Variants in AKAP6 observed in about 807,000 individuals in gnomAD.
The protein encoded by AKAP6 is A-kinase anchor protein 6.
Under a neutral mutation model 188.5 loss-of-function variants are expected in AKAP6, and 58 were observed. The observed-to-expected ratio is 0.31, with a 90% CI of 0.25 to 0.38. The LOEUF (loss-of-function observed/expected upper bound fraction) is 0.38, where lower values mean the gene tolerates loss of function less well. AKAP6 is among the 10% of genes least tolerant of loss of function. The probability of loss-of-function intolerance (pLI) is 1.00; values close to 1 mark genes in which losing one functional copy is unlikely to be tolerated. For synonymous variants in AKAP6, 989 were observed against 998.6 expected, an observed-to-expected ratio of 0.99 and a Z score of 0.18; for missense variants, 2,710 against 2,740.0, an observed-to-expected ratio of 0.99 and a Z score of 0.24.
In AKAP6 at chr14:32,831,229, CAAAG is replaced by C. The variant is rs567954532; in HGVS notation, c.*1428_*1431del. 11 of 152,156 alleles carry C rather than the reference CAAAG, an allele frequency of 7.2e-5. No homozygotes were observed. In the South Asian group the frequency reaches 2.1e-3, roughly 29 times the overall value. The allele number at this position is 152,156 out of a possible 1,614,324, so 9.4% of individuals were successfully genotyped here. ...TATTTATATGTGTAAAAGAAATTGA[CAAAG>C]AAATATTTCATCTGGCCTTTACTGA... On this transcript the variant is annotated 3_prime_UTR_variant, in exon 14 of 14. Transcript: ENST00000280979.
chr14:32,632,736 C>A (rs1357661168), intron 7 of AKAP6, among the ~76,000 whole-genome samples: 5 of 151,976 alleles, frequency 3.3e-5, no homozygotes, highest in Admixed American at 3.3e-4. Context: ...ACAGGAAAAA[C>A]CAATCAGAGA....
Position 32,822,046 on chromosome 14 carries a change from A to C in AKAP6, c.4233A>C (p.Gln1411His), listed in dbSNP as rs1228947809. 1 of 1,613,992 alleles carries C rather than the reference A, an allele frequency of 6.2e-7. No homozygotes were observed. Among genetic ancestry groups the C allele is most frequent in the Non-Finnish European group, 8.5e-7 (1 of 1,179,954 alleles). ...QMGDAVNVLKQKFTDEGESIK... is the reference protein window; with the variant it reads ...QMGDAVNVLKHKFTDEGESIK... The stretch of plus-strand genomic sequence containing the variant: ...GAGATGCAGTTAACGTGTTAAAGCA[A>C]AAATTTACAGATGAGGGGGAAAGCA... The change falls in exon 13 of 14, where the codon CAA becomes CAC. Residue 1411 changes from glutamine to histidine, a missense_variant. Coordinates refer to ENST00000280979, the MANE Select transcript of AKAP6 (RefSeq NM_004274.5).
intron 9 of AKAP6, among the ~76,000 whole-genome samples, chr14:32,707,852 A>G (rs1890877396): frequency 6.6e-6 from 1 of 152,096 alleles, no homozygotes; most frequent in Non-Finnish European, 1.5e-5. Context: ...AGTGCAGTAA[A>G]GACAGTTCCT....
intron 9 of AKAP6, among the ~76,000 whole-genome samples, chr14:32,712,186 C>G (rs10142378): frequency 1.3e-5 from 2 of 151,848 alleles, no homozygotes; most frequent in African/African-American, 4.8e-5. Context: ...ATAAAAGTTG[C>G]GTTTACACTA....
intron 1 of AKAP6, among the ~76,000 whole-genome samples, chr14:32,388,782 A>C (rs1206474412): frequency 6.6e-6 from 1 of 152,144 alleles, no homozygotes; most frequent in African/African-American, 2.4e-5. Flanking sequence ...CATATGGTCT[A>C]TATTGGAGAA....
chr14:32,634,928 C>T (rs185765475), intron 7 of AKAP6, among the ~76,000 whole-genome samples: 9 of 151,126 alleles, frequency 6.0e-5, no homozygotes, highest in East Asian at 2.0e-4. Context: ...TTTTGGGGAA[C>T]GGGTGGTGAT....
chr14:32,457,111 C>T (rs765572113), intron 2 of AKAP6, among the ~76,000 whole-genome samples: 1 of 152,036 alleles, frequency 6.6e-6, no homozygotes, highest in Admixed American at 6.6e-5. Context: ...AAATGTGTCA[C>T]TGATTAAATG....
intron 1 of AKAP6, among the ~76,000 whole-genome samples, chr14:32,357,739 A>C (rs1029890109): frequency 6.6e-6 from 1 of 152,208 alleles, no homozygotes; most frequent in African/African-American, 2.4e-5. Context: ...AGATTGACTT[A>C]ATTGGAATAG....
intron 7 of AKAP6, among the ~76,000 whole-genome samples, chr14:32,664,462 GT>G (rs3837675): frequency 0.097 from 14,731 of 152,014 alleles, 2,280 homozygotes; most frequent in African/African-American, 0.32. Context: ...TATTGGTTAT[GT>G]TTTTTGAGTT....
chr14:32,772,510 G>A (rs988554553), intron 11 of AKAP6, among the ~76,000 whole-genome samples: 2 of 152,060 alleles, frequency 1.3e-5, no homozygotes, highest in East Asian at 3.9e-4. Context: ...TAGAATTCCA[G>A]CCATTACTGA....
intron 7 of AKAP6, among the ~76,000 whole-genome samples, chr14:32,650,857 G>A (rs1005655192): frequency 6.6e-6 from 1 of 152,128 alleles, no homozygotes; most frequent in South Asian, 2.1e-4. Context: ...AGGCTGGGTA[G>A]TTCTGATAAC....
chr14:32,730,743 A>G (rs2031134598), intron 9 of AKAP6, among the ~76,000 whole-genome samples: 1 of 152,160 alleles, frequency 6.6e-6, no homozygotes, highest in Admixed American at 6.6e-5. Flanking sequence ...AATCTTACCA[A>G]ATTAATTATG....
chr14:32,549,746 A>G (rs1374194776), intron 4 of AKAP6, among the ~76,000 whole-genome samples: 1 of 152,230 alleles, frequency 6.6e-6, no homozygotes, highest in Non-Finnish European at 1.5e-5. Flanking sequence ...CTAAGGCAGT[A>G]TGTGATTAGG....
At chr14:32,680,309 G>T (rs957484547) in intron 8 of AKAP6, among the ~76,000 whole-genome samples, 1 of 152,184 alleles carries the variant, frequency 6.6e-6, no homozygotes, top group Non-Finnish European at 1.5e-5. Context: ...TTTACATACA[G>T]AAAAGCATTG....
At chr14:32,501,012 T>C (rs1267137825) in intron 2 of AKAP6, among the ~76,000 whole-genome samples, 1 of 152,172 alleles carries the variant, frequency 6.6e-6, no homozygotes, top group Admixed American at 6.6e-5. Flanking sequence ...TGGAAAGCTC[T>C]GCTCTATCAG....
chr14:32,393,741 C>A (rs1339148412), intron 1 of AKAP6, among the ~76,000 whole-genome samples: 1 of 151,982 alleles, frequency 6.6e-6, no homozygotes, highest in Admixed American at 6.6e-5. Flanking sequence ...AATACAGGTT[C>A]TAGTTATCTT....
intron 2 of AKAP6, among the ~76,000 whole-genome samples, chr14:32,505,898 G>A (rs1880847710): frequency 6.6e-6 from 1 of 152,084 alleles, no homozygotes; most frequent in Non-Finnish European, 1.5e-5. Context: ...TTTTATGGTA[G>A]ATTTTTTTAA....
At chr14:32,593,011 A>AACACACACACACACACACAC (rs60277036) in intron 5 of AKAP6, among the ~76,000 whole-genome samples, 9 of 123,800 alleles carry the variant, frequency 7.3e-5, no homozygotes, top group Non-Finnish European at 1.0e-4. Context: ...CCCCCACCCC[A>AACACACACACACACACACAC]ACACACACAC....
chr14:32,566,492 GC>G (rs1247836195), intron 4 of AKAP6, among the ~76,000 whole-genome samples: 1 of 152,158 alleles, frequency 6.6e-6, no homozygotes, highest in Non-Finnish European at 1.5e-5. Flanking sequence ...TACATCTCAT[GC>G]TTTATGTTGC....
Sources: allele counts gnomAD v4.1 joint callset (sites outside exome capture counted in the v4.1 genomes callset), GRCh38; gene constraint gnomAD v4.1.1; transcripts MANE v1.5; gene names NCBI Gene and HGNC (gene_info 2026-07-23, HGNC 2026-07-21).